The following ERCC3 variants were observed in gnomAD, a reference collection of about 807,000 sequenced individuals.
ERCC3 encodes ERCC excision repair 3, TFIIH core complex helicase subunit, also known as general transcription and DNA repair factor IIH helicase/translocase subunit XPB.
In ERCC3, 66 loss-of-function variants were observed where a neutral mutation model predicts 94.2. That is an observed-to-expected ratio of 0.70 (90% CI 0.57 to 0.86). The LOEUF is 0.86. Ranked by LOEUF, ERCC3 falls within the 40% of genes least tolerant of loss-of-function variation. ERCC3 has a pLI of 0.00. For missense variants in ERCC3, 829 were observed against 987.1 expected, an observed-to-expected ratio of 0.84 and a Z score of 2.15; for synonymous variants, 349 against 369.1, an observed-to-expected ratio of 0.95 and a Z score of 0.63.
rs771109331 is a variant in ERCC3, at chr2:127,259,129, C to A, written c.2217+167G>T. On this transcript the variant is annotated intron_variant, in intron 14 of 14. Coordinates refer to ENST00000285398, the MANE Select transcript of ERCC3 (RefSeq NM_000122.2). The surrounding 1 kb of genome is among the most constrained non-coding windows in gnomAD (Gnocchi z 4.9). ...TGTGCAACAGTACAAGGGGCACACA[C>A]CAAAAGGGCAACAAGGATTGTTTCT... 6.6e-6 allele frequency among the ~76,000 whole-genome samples: 1 copy of A among 152,178 alleles called. No individual in the cohort carries two copies.
chr2:127,287,775 C>T (rs1685127861), intron 7 of ERCC3, among the ~76,000 whole-genome samples: 1 of 152,138 alleles, frequency 6.6e-6, no homozygotes, highest in Non-Finnish European at 1.5e-5. Flanking sequence ...ATTATTATTA[C>T]ACAGCAAACG....
At position 127,257,447 on chromosome 2, in the gene ERCC3, A is replaced by C; in HGVS notation, c.*149T>G. The C allele has an allele frequency of 1.0e-6, 1 of 999,280 alleles. No homozygotes were observed. The highest frequency in any genetic ancestry group is 1.6e-6 in the Non-Finnish European group (1 of 623,072). 61.9% of individuals were successfully genotyped at this position (999,280 alleles called of 1,614,324 possible). A position where few individuals can be genotyped will look rare whatever the true frequency, so the allele number is the denominator to read the frequency against. On this transcript the variant is annotated 3_prime_UTR_variant, in exon 15 of 15. Coordinates refer to ENST00000285398, the MANE Select transcript of ERCC3 (RefSeq NM_000122.2). The surrounding 1 kb of genome is among the most constrained non-coding windows in gnomAD (Gnocchi z 5.4). ...AAAACCCTAGATGACCTATGAAGGC[A>C]CAGCCAAGCCCTTGATGCATCTTCC...
chr2:127,281,678 A>G (rs1337271451), intron 8 of ERCC3, among the ~76,000 whole-genome samples: 1 of 152,218 alleles, frequency 6.6e-6, no homozygotes, highest in East Asian at 1.9e-4. Flanking sequence ...TCACAGTGAA[A>G]TAACATAGGG....
Position 127,292,799 on chromosome 2 carries a change from T to C in ERCC3, c.282A>G (p.Lys94=). 1 of 1,613,818 alleles carries C rather than the reference T, an allele frequency of 6.2e-7. No homozygotes were observed. ...TAGCCACCAAGAAGTCTTGGGCATA[T>C]TTGTAAACTGGAGAGAAGGCTTCCA... is the stretch of plus-strand genomic sequence containing the variant. ...IFLEAFSPVY[K]YAQDFLVAIA... is the part of the protein sequence containing the mutation. The change falls in exon 3 of 15, where the codon AAA becomes AAG. Residue 94 remains lysine, a synonymous_variant. Transcript: ENST00000285398.
At chr2:127,265,118 A>AT (rs1315083292) in intron 12 of ERCC3, among the ~76,000 whole-genome samples, 1 of 152,052 alleles carries the variant, frequency 6.6e-6, no homozygotes, top group Non-Finnish European at 1.5e-5. Flanking sequence ...AAGTGCTGGG[A>AT]TTAGAGGTGT....
chr2:127,261,030 A>C, intron 13 of ERCC3, 198 bp downstream of exon 13: 1 of 603,430 alleles, frequency 1.7e-6, no homozygotes. Flanking sequence ...ATGGCACCTC[A>C]GTCCTGCCAG....
At position 127,292,759 on chromosome 2, in the gene ERCC3, A is replaced by C. The variant is rs757248927; in HGVS notation, c.322T>G (p.Cys108Gly). Reference sequence around the variant, plus strand: ...TACTCATGCACATGGGTTGGTCGGCACACTGGCTCTGCAATAGCCACCAAG... The same window carrying C: ...TACTCATGCACATGGGTTGGTCGGCCCACTGGCTCTGCAATAGCCACCAAG... ...DFLVAIAEPV[C>G]RPTHVHEYKL... Residue 108 changes from cysteine (C) to glycine (G), a missense_variant, in exon 3 of 15, where the codon TGC (cysteine) becomes GGC (glycine). By Grantham distance (159) the Cys-to-Gly change is radical (BLOSUM62 -3). Transcript: ENST00000285398. 3 of 1,614,006 alleles carry C rather than the reference A, an allele frequency of 1.9e-6. No individual in the cohort carries two copies. In the Admixed American group the frequency reaches 5.0e-5, roughly 27 times the overall value.
intron 13 of ERCC3, chr2:127,260,550 T>C (rs1684160299): frequency 1.3e-5 from 2 of 152,918 alleles, no homozygotes; most frequent in Admixed American, 1.3e-4. Context: ...AGGCCAATAA[T>C]GGGAACTCTC....
chr2:127,293,570 C>T lies in ERCC3; in HGVS notation c.177G>A (p.Lys59=), dbSNP rs779898806. The part of the protein sequence containing the change: ...SGTKVDEYGA[K]DYRLQMPLKD... ...TCAGCGGCATTTGCAGCCTGTAGTC[C>T]TTGGCTCCATATTCATCCACTTTGG... Residue 59 remains lysine (K), a synonymous_variant, in exon 2 of 15, where the codon AAG becomes AAA. Transcript: ENST00000285398. 4 of 1,614,226 alleles carry T rather than the reference C, an allele frequency of 2.5e-6. No individual in the cohort carries two copies. Among genetic ancestry groups the T allele is most frequent in the Non-Finnish European group, 3.4e-6 (4 of 1,180,034 alleles).
intron 11 of ERCC3, among the ~76,000 whole-genome samples, chr2:127,272,049 G>A (rs4150495): frequency 0.38 from 46,504 of 123,364 alleles, 8,711 homozygotes; most frequent in East Asian, 0.63. Context: ...ACGGAGTCTC[G>A]CTCTTGTTGC....
intron 4 of ERCC3, 51 bp from the exon 5 acceptor site, chr2:127,289,875 G>GTC: frequency 6.3e-7 from 1 of 1,596,038 alleles, no homozygotes; most frequent in Non-Finnish European, 8.6e-7. Flanking sequence ...GTACCTCCTG[G>GTC]AGATTCCACT....
chr2:127,279,183 G>C lies in ERCC3; in HGVS notation c.1720C>G (p.Arg574Gly). ...GTTTTCAATTCTTACTTGTTCAGTCGAATGGCATATTCCTTTAGGGCAAAC... is the reference window on the plus strand; with the variant it reads ...GTTTTCAATTCTTACTTGTTCAGTCCAATGGCATATTCCTTTAGGGCAAAC... ...NVFALKEYAI[R>G]LNKPYIYGPT... The change falls in exon 10 of 15, where the codon CGA (arginine) becomes GGA (glycine). Residue 574 changes from arginine to glycine, a missense_variant. Physicochemically the swap from Arg to Gly is moderately radical, Grantham distance 125. Transcript: ENST00000285398. This position sits in a 1 kb window ranked among gnomAD's most constrained non-coding sequence, Gnocchi z 4.7. 1 of 1,609,992 alleles carries C rather than the reference G, an allele frequency of 6.2e-7. No homozygotes were observed. Among genetic ancestry groups the C allele is most frequent in the Non-Finnish European group, 8.5e-7 (1 of 1,176,288 alleles).
intron 11 of ERCC3, 32 bp downstream of exon 11, chr2:127,272,833 G>A (rs1470402302): frequency 2.9e-6 from 4 of 1,375,444 alleles, no homozygotes; most frequent in Non-Finnish European, 4.2e-6. Flanking sequence ...GAGTGCTAGG[G>A]GCCTCACCTC....
At position 127,257,425 on chromosome 2, in the gene ERCC3, AC is replaced by A; in HGVS notation, c.*170del. 2.5e-6 allele frequency: 2 copies of A among 810,096 alleles called. No homozygotes were observed. The highest frequency in any genetic ancestry group is 4.3e-6 in the Non-Finnish European group (2 of 461,768). The allele number at this position is 810,096 out of a possible 1,614,324, so 50.2% of individuals were successfully genotyped here. A position where few individuals can be genotyped will look rare whatever the true frequency, so the allele number is the denominator to read the frequency against. The stretch of plus-strand genomic sequence containing the variant: ...ATATTGTCTCCTCCTCCTTTATAAA[AC>A]CCTAGATGACCTATGAAGGCACAGC... On this transcript the variant is annotated 3_prime_UTR_variant, in exon 15 of 15. Coordinates refer to ENST00000285398, the MANE Select transcript of ERCC3 (RefSeq NM_000122.2). This position sits in a 1 kb window ranked among gnomAD's most constrained non-coding sequence, Gnocchi z 5.4.
chr2:127,281,754 A>AACAC (rs972979992), intron 8 of ERCC3, among the ~76,000 whole-genome samples: 1 of 151,716 alleles, frequency 6.6e-6, no homozygotes, highest in East Asian at 1.9e-4. Context: ...ACCACATGCA[A>AACAC]ACACACACAC....
intron 8 of ERCC3, among the ~76,000 whole-genome samples, chr2:127,285,827 G>A (rs1685047688): frequency 6.6e-6 from 1 of 151,860 alleles, no homozygotes; most frequent in African/African-American, 2.4e-5. Flanking sequence ...CTCCAGCCTG[G>A]GCAACAAAGC....
At position 127,289,504 on chromosome 2, in the gene ERCC3, G is replaced by C; in HGVS notation, c.658-3C>G. 1.9e-6 allele frequency: 3 copies of C among 1,612,448 alleles called. No homozygotes were observed. Among genetic ancestry groups the C allele is most frequent in the Non-Finnish European group, 2.5e-6 (3 of 1,180,008 alleles). On this transcript the variant is annotated splice_region_variant and splice_polypyrimidine_tract_variant and intron_variant, in intron 5 of 14. Coordinates refer to ENST00000285398, the MANE Select transcript of ERCC3 (RefSeq NM_000122.2). ...CTGCTTTCAGCAGTCTTAGAAATCT[G>C]TGAGAGAGGTAGGTGCTGAACGTGC...
In ERCC3 at chr2:127,280,884, C is replaced by A. The variant is rs555204085; in HGVS notation, c.1343-253G>T. 1.2e-4 allele frequency: 66 copies of A among 543,888 alleles called. No individual in the cohort carries two copies. The highest frequency in any genetic ancestry group is 2.0e-4 in the Non-Finnish European group (63 of 310,148). 33.7% of individuals were successfully genotyped at this position (543,888 alleles called of 1,614,324 possible). A position where few individuals can be genotyped will look rare whatever the true frequency, so the allele number is the denominator to read the frequency against. On this transcript the variant is annotated intron_variant, in intron 8 of 14. Transcript: ENST00000285398. This position sits in a 1 kb window ranked among gnomAD's most constrained non-coding sequence, Gnocchi z 6.3. Reference sequence around the variant, plus strand: ...TGCAACTTAACACTGGCTTATGACACCACCTGAACTAACCCTTGGGTTTCA... The same window carrying A: ...TGCAACTTAACACTGGCTTATGACAACACCTGAACTAACCCTTGGGTTTCA...
At chr2:127,292,488 C>T in intron 3 of ERCC3, 122 bp downstream of exon 3, 2 of 793,680 alleles carry the variant, frequency 2.5e-6, no homozygotes, top group Non-Finnish European at 4.5e-6. Context: ...AGTCGTTATG[C>T]TCCCCACAGG....
Sources: gnomAD v4.1 joint callset for allele counts (sites outside exome capture counted in the v4.1 genomes callset) on GRCh38, gnomAD v4.1.1 for gene constraint, Gnocchi (gnomAD v3.1) non-coding constraint, MANE v1.5 for transcripts, NCBI Gene and HGNC (gene_info 2026-07-23, HGNC 2026-07-21) for gene names.